The following ZZZ3 variants were observed in gnomAD, a reference collection of about 807,000 sequenced individuals.
The protein encoded by ZZZ3 is zinc finger ZZ-type containing 3, also known as ZZ-type zinc finger-containing protein 3.
Under a neutral mutation model 95.2 loss-of-function variants are expected in ZZZ3, and 22 were observed. The ratio of observed to expected loss-of-function variants is 0.23; its 90% CI spans 0.17 to 0.33. The LOEUF is 0.33. Among genes scored for constraint, ZZZ3 ranks in the 10% least tolerant of loss-of-function variants. The probability of loss-of-function intolerance (pLI) is 1.00; values close to 1 mark genes in which losing one functional copy is unlikely to be tolerated. For synonymous variants in ZZZ3, 335 were observed against 358.9 expected (o/e 0.93, Z 0.75); for missense variants, 885 against 1,066.5 (o/e 0.83, Z 2.37).
At chr1:77,639,866 G>T (rs979673749) in intron 3 of ZZZ3, among the ~76,000 whole-genome samples, 3 of 149,756 alleles carry the variant, frequency 2.0e-5, no homozygotes, top group Non-Finnish European at 4.4e-5. Flanking sequence ...GTCAAAATGT[G>T]ACTTGCTCTT....
intron 11 of ZZZ3, among the ~76,000 whole-genome samples, chr1:77,577,654 T>G (rs1472494806): frequency 6.6e-6 from 1 of 152,204 alleles, no homozygotes; most frequent in Non-Finnish European, 1.5e-5. Context: ...GAGAAAGATG[T>G]CAGTGGTGGG....
At chr1:77,582,838 G>A (rs908962384) in intron 6 of ZZZ3, among the ~76,000 whole-genome samples, 3 of 152,056 alleles carry the variant, frequency 2.0e-5, no homozygotes, top group Non-Finnish European at 4.4e-5. Context: ...GAGCGCAGTG[G>A]CTCATGCCTG....
chr1:77,606,970 CA>C (rs1185191973), intron 5 of ZZZ3, among the ~76,000 whole-genome samples: 1 of 152,206 alleles, frequency 6.6e-6, no homozygotes, highest in East Asian at 1.9e-4. Context: ...CACAGGAAAA[CA>C]GAACCTCACC....
At chr1:77,627,209 T>C (rs976820879) in intron 5 of ZZZ3, among the ~76,000 whole-genome samples, 1 of 152,208 alleles carries the variant, frequency 6.6e-6, no homozygotes, top group Non-Finnish European at 1.5e-5. Context: ...TTACTTAAAA[T>C]TAATAATCTA....
chr1:77,581,886 A>C lies in ZZZ3; in HGVS notation c.1798T>G (p.Leu600Val). ...RVKLVFDKVGLPARPKSPLDP... is the reference protein window; with the variant it reads ...RVKLVFDKVGVPARPKSPLDP... Reference sequence around the variant, plus strand: ...AAAGGACTTTTTGGTCTAGCAGGTAAACCTACTGAAAAATAAGACCACATA... The same window carrying C: ...AAAGGACTTTTTGGTCTAGCAGGTACACCTACTGAAAAATAAGACCACATA... The change falls in exon 8 of 15, where the codon TTA becomes GTA. Residue 600 changes from leucine (L) to valine (V), a missense_variant. By Grantham distance (32) the Leu-to-Val change is conservative. Transcript: ENST00000370801. The C allele has an allele frequency of 6.2e-7, 1 of 1,612,926 alleles. No individual in the cohort carries two copies. The highest frequency in any genetic ancestry group is 8.5e-7 in the Non-Finnish European group (1 of 1,179,244).
chr1:77,616,762 G>C (rs752774154), intron 5 of ZZZ3, among the ~76,000 whole-genome samples: 11 of 152,104 alleles, frequency 7.2e-5, no homozygotes, highest in Non-Finnish European at 1.3e-4. Flanking sequence ...GCCCAGGAGG[G>C]AGACTGAAGC....
chr1:77,668,564 A>C (rs1671455204), intron 1 of ZZZ3, among the ~76,000 whole-genome samples: 2 of 151,994 alleles, frequency 1.3e-5, no homozygotes. Context: ...AAAGCTTAGA[A>C]ATAAGTAACT....
intron 7 of ZZZ3, 28 bp from the exon 8 acceptor site, chr1:77,581,919 G>T (rs761626884): frequency 6.2e-7 from 1 of 1,606,342 alleles, no homozygotes; most frequent in South Asian, 1.1e-5. Context: ...ATACAGAACT[G>T]TTAAAGCAAA....
chr1:77,660,491 T>G (rs763622713), intron 1 of ZZZ3, among the ~76,000 whole-genome samples: 1 of 152,232 alleles, frequency 6.6e-6, no homozygotes, highest in African/African-American at 2.4e-5. Flanking sequence ...TTTTTGTGAC[T>G]GGCTCATGTC....
In ZZZ3 at chr1:77,582,926, G is replaced by A. The variant is rs903925516; in HGVS notation, c.1645-800C>T. On this transcript the variant is annotated intron_variant, in intron 6 of 14. Coordinates refer to ENST00000370801, the MANE Select transcript of ZZZ3 (RefSeq NM_015534.6). ...TTCAGACCAACCTGGCCAACATGGTGAAACCCAGTCTCTACTAAAAATAAA... is the reference window on the plus strand; with the variant it reads ...TTCAGACCAACCTGGCCAACATGGTAAAACCCAGTCTCTACTAAAAATAAA... Among the ~76,000 whole-genome samples the A allele has an allele frequency of 2.6e-5, 4 of 151,970 alleles. No individual in the cohort carries two copies. In the East Asian group the frequency reaches 7.7e-4, roughly 29 times the overall value.
intron 1 of ZZZ3, among the ~76,000 whole-genome samples, chr1:77,651,974 C>A (rs1669851285): frequency 6.6e-6 from 1 of 151,184 alleles, no homozygotes; most frequent in South Asian, 2.1e-4. Context: ...CAAGATTACA[C>A]CACTGCACTC....
chr1:77,620,484 T>TGGAAGGAAGGAA lies in ZZZ3; in HGVS notation c.1505+11354_1505+11365dup, dbSNP rs67469701. On this transcript the variant is annotated intron_variant, in intron 5 of 14. Transcript: ENST00000370801. ...TAGAAAGAAAGAAAGAACGAAAGAA[T>TGGAAGGAAGGAA]GGAAGGAAGGAAGGAAGGAAGGAAG... is the stretch of plus-strand genomic sequence containing the variant. 9.3e-3 allele frequency among the ~76,000 whole-genome samples: 1,267 copies of TGGAAGGAAGGAA among 135,816 alleles called. 10 individuals are homozygous for TGGAAGGAAGGAA. The highest frequency in any genetic ancestry group is 0.012 in the Non-Finnish European group (756 of 62,800). The allele number at this position is 135,816 out of a possible 152,430, so 89.1% of individuals were successfully genotyped here.
chr1:77,629,601 G>A (rs544212503), intron 5 of ZZZ3, among the ~76,000 whole-genome samples: 4 of 152,232 alleles, frequency 2.6e-5, no homozygotes, highest in East Asian at 1.9e-4. Flanking sequence ...ACTCCAGCCC[G>A]GGTGGCAGAG....
intron 3 of ZZZ3, chr1:77,641,119 A>T (rs1396130194): frequency 6.5e-6 from 1 of 153,802 alleles, no homozygotes; most frequent in African/African-American, 2.4e-5. Context: ...CCTTTGTACC[A>T]AACACTGAAG....
chr1:77,566,097 C>T lies in ZZZ3; in HGVS notation c.2551G>A (p.Asp851Asn). Reference sequence around the variant, plus strand: ...AACACTTACCAGTCTGAACAAGAATCACAGAAATCCAAAGACATTTCTGGA... The same window carrying T: ...AACACTTACCAGTCTGAACAAGAATTACAGAAATCCAAAGACATTTCTGGA... ...CPPEMSLDFC[D>N]SCSDCLHETD... Residue 851 changes from aspartate (D) to asparagine (N), a missense_variant, in exon 14 of 15, where the codon GAT becomes AAT. Physicochemically the swap from Asp to Asn is conservative, Grantham distance 23. This residue lies in a region of ZZZ3 where 221 missense variants were observed against 247.8 expected (regional missense o/e 0.89). Transcript: ENST00000370801. 5 of 1,612,692 alleles carry T rather than the reference C, an allele frequency of 3.1e-6. No individual in the cohort carries two copies. Among genetic ancestry groups the T allele is most frequent in the East Asian group, 2.2e-5 (1 of 44,836 alleles).
At chr1:77,647,198 T>A (rs572965542) in intron 1 of ZZZ3, among the ~76,000 whole-genome samples, 43 of 152,268 alleles carry the variant, frequency 2.8e-4, no homozygotes, top group African/African-American at 9.9e-4. Context: ...GGCAACACAT[T>A]ATACATTACA....
chr1:77,658,475 G>A (rs1670484110), intron 1 of ZZZ3, among the ~76,000 whole-genome samples: 1 of 150,752 alleles, frequency 6.6e-6, no homozygotes, highest in Non-Finnish European at 1.5e-5. Flanking sequence ...CCAAGTAGCT[G>A]GGACCTATAG....
rs1193127013 is a variant in ZZZ3 at position 77,632,221 on chromosome 1, C to T, written c.1134G>A (p.Leu378=). Residue 378 remains leucine, a synonymous_variant, in exon 5 of 15, where the codon CTG becomes CTA. Coordinates refer to ENST00000370801, the MANE Select transcript of ZZZ3 (RefSeq NM_015534.6). ...LSEPQEHRYT[L]RTSPRRAAPT... is the part of the protein sequence containing the mutation. ...GGGCTGCCCTTCGTGGTGAGGTTCT[C>T]AGAGTATAACGATGTTCTTGAGGTT... 1.9e-6 allele frequency: 3 copies of T among 1,613,864 alleles called. No individual in the cohort carries two copies. The highest frequency in any genetic ancestry group is 2.5e-6 in the Non-Finnish European group (3 of 1,180,016).
chr1:77,664,619 G>A (rs1274794154), intron 1 of ZZZ3, among the ~76,000 whole-genome samples: 2 of 151,778 alleles, frequency 1.3e-5, no homozygotes, highest in Non-Finnish European at 2.9e-5. Flanking sequence ...CACACTATAG[G>A]TTTCTGCCTG....
Sources: allele counts gnomAD v4.1 joint callset (sites outside exome capture counted in the v4.1 genomes callset), GRCh38; gene constraint gnomAD v4.1.1; regional missense constraint gnomAD v4.1.1; transcripts MANE v1.5; gene names NCBI Gene and HGNC (gene_info 2026-07-23, HGNC 2026-07-21).